The following ESRRB variants were observed in gnomAD, a reference collection of about 807,000 sequenced individuals.
ESRRB encodes steroid hormone receptor ERR2.
ESRRB carries 16 observed loss-of-function variants against 46.0 expected under a neutral mutation model. The observed-to-expected ratio is 0.35, with a 90% CI of 0.24 to 0.53. The LOEUF (loss-of-function observed/expected upper bound fraction) is 0.53. Among genes scored for constraint, ESRRB ranks in the 20% least tolerant of loss-of-function variants. The pLI is 0.93. For missense variants in ESRRB, 488 were observed against 607.4 expected (o/e 0.80, Z 2.07); for synonymous variants, 246 against 259.6 (o/e 0.95, Z 0.50).
intron 2 of ESRRB, among the ~76,000 whole-genome samples, chr14:76,456,532 A>G (rs534275627): frequency 6.6e-6 from 1 of 152,264 alleles, no homozygotes; most frequent in East Asian, 1.9e-4. Flanking sequence ...AGGAAGTAGG[A>G]TGAAAAGGAT....
chr14:76,411,274 C>A (rs529674669), intron 1 of ESRRB, among the ~76,000 whole-genome samples: 70 of 151,878 alleles, frequency 4.6e-4, no homozygotes, highest in African/African-American at 1.6e-3. Context: ...ATGGTGAAAC[C>A]CCATCTCTAC....
chr14:76,332,528 A>C, intron 1 of ESRRB, among the ~76,000 whole-genome samples: 1 of 66,526 alleles, frequency 1.5e-5, no homozygotes, highest in Non-Finnish European at 2.7e-5. Context: ...ATATATAAAT[A>C]TATACAATAT....
upstream of ESRRB, among the ~76,000 whole-genome samples, chr14:76,373,467 G>A (rs1467254773): frequency 6.6e-6 from 1 of 152,136 alleles, no homozygotes; most frequent in African/African-American, 2.4e-5. Context: ...GAGGCATGGA[G>A]CCTAACCCTG....
chr14:76,417,118 T>C (rs1315938788), intron 1 of ESRRB, among the ~76,000 whole-genome samples: 1 of 151,820 alleles, frequency 6.6e-6, no homozygotes, highest in Non-Finnish European at 1.5e-5. Flanking sequence ...AGCTGGCCAA[T>C]AGAGTGAGAC....
At chr14:76,332,493 A>AT (rs1884025274) in intron 1 of ESRRB, among the ~76,000 whole-genome samples, 1 of 108,198 alleles carries the variant, frequency 9.2e-6, no homozygotes, top group South Asian at 2.4e-4. Flanking sequence ...ATATAAATAT[A>AT]TATTTATATA....
Position 76,344,265 on chromosome 14 carries a change from A to AT in ESRRB, c.2+33354dup, listed in dbSNP as rs1373369922. Among the ~76,000 whole-genome samples the AT allele has an allele frequency of 3.3e-5, 5 of 152,262 alleles. No homozygotes were observed. In the East Asian group the frequency reaches 9.6e-4, roughly 29 times the overall value. ...TGTTATTAGTGTTGTGCTTTTATTTATTTTTAATTATTTTATTTTTCCACA... is the reference window on the plus strand; with the variant it reads ...TGTTATTAGTGTTGTGCTTTTATTTATTTTTTAATTATTTTATTTTTCCACA... On this transcript the variant is annotated intron_variant, in intron 1 of 6. Coordinates refer to the ESRRB transcript ENST00000512784.
intron 5 of ESRRB, among the ~76,000 whole-genome samples, chr14:76,489,629 G>A (rs1009735683): frequency 1.3e-5 from 2 of 152,204 alleles, no homozygotes; most frequent in African/African-American, 4.8e-5. Context: ...GTATAGATCA[G>A]TCTTGGGAAC....
chr14:76,444,221 C>T (rs991734865), intron 2 of ESRRB, among the ~76,000 whole-genome samples: 11 of 151,970 alleles, frequency 7.2e-5, no homozygotes, highest in African/African-American at 2.7e-4. Flanking sequence ...TTAGTAGAGA[C>T]GGGGTTTCGT....
chr14:76,489,479 A>ACACACACACACACC (rs1414646049), intron 5 of ESRRB, among the ~76,000 whole-genome samples: 2 of 150,016 alleles, frequency 1.3e-5, no homozygotes, highest in Non-Finnish European at 3.0e-5. Context: ...ACACACACAC[A>ACACACACACACACC]CCCTGATCCC....
In ESRRB at chr14:76,482,221, C is replaced by A; in HGVS notation, c.688+95C>A. Reference sequence around the variant, plus strand: ...AAACATCATCTTCCCACCACTGGGTCATGAGACAATGTGGATCTTGGGGAG... The same window carrying A: ...AAACATCATCTTCCCACCACTGGGTAATGAGACAATGTGGATCTTGGGGAG... On this transcript the variant is annotated intron_variant, in intron 4 of 6. Coordinates refer to ENST00000644823, the MANE Select transcript of ESRRB (RefSeq NM_001379180.1). The surrounding 1 kb of genome is among the most constrained non-coding windows in gnomAD (Gnocchi z 4.3). The A allele has an allele frequency of 1.1e-6, 1 of 936,808 alleles. No individual in the cohort carries two copies. The highest frequency in any genetic ancestry group is 1.3e-5 in the South Asian group (1 of 74,118). The allele number at this position is 936,808 out of a possible 1,614,324, so 58.0% of individuals were successfully genotyped here. A position where few individuals can be genotyped will look rare whatever the true frequency, so the allele number is the denominator to read the frequency against.
At chr14:76,417,831 A>AT (rs1318181265) in intron 1 of ESRRB, among the ~76,000 whole-genome samples, 2 of 152,124 alleles carry the variant, frequency 1.3e-5, no homozygotes, top group Non-Finnish European at 2.9e-5. Context: ...GTCCCTGGCC[A>AT]TAAGGGAGGA....
chr14:76,350,799 C>T (rs1447406401), intron 1 of ESRRB, among the ~76,000 whole-genome samples: 1 of 152,128 alleles, frequency 6.6e-6, no homozygotes, highest in Non-Finnish European at 1.5e-5. Context: ...CTGGACACAG[C>T]TTGATGGACT....
In ESRRB at chr14:76,341,372, C is replaced by T. The variant is rs983437777; in HGVS notation, c.2+30456C>T. Among the ~76,000 whole-genome samples the T allele has an allele frequency of 2.0e-5, 3 of 152,258 alleles. No homozygotes were observed. In the South Asian group the frequency reaches 6.2e-4, roughly 31 times the overall value. ...TTCAGAGATACCTCAACATTCACAC[C>T]TCACTGGCGGGGGCTTCAGCAAACA... On this transcript the variant is annotated intron_variant, in intron 1 of 6. Coordinates refer to the ESRRB transcript ENST00000512784.
At chr14:76,346,856 G>T (rs1463625435) in intron 1 of ESRRB, among the ~76,000 whole-genome samples, 1 of 152,220 alleles carries the variant, frequency 6.6e-6, no homozygotes, top group African/African-American at 2.4e-5. Context: ...GTAGTCTGTG[G>T]ATTATAGACA....
At chr14:76,384,032 T>C (rs1885120299) in intron 1 of ESRRB, among the ~76,000 whole-genome samples, 2 of 152,188 alleles carry the variant, frequency 1.3e-5, no homozygotes, top group African/African-American at 2.4e-5. Context: ...TAGTTTGGGA[T>C]CTTGGTGATG....
At chr14:76,468,410 AC>A (rs112956200) in intron 3 of ESRRB, among the ~76,000 whole-genome samples, 8 of 67,056 alleles carry the variant, frequency 1.2e-4, no homozygotes, top group African/African-American at 4.2e-4. Context: ...CAACACCACC[AC>A]CCCCCAAACA....
chr14:76,461,331 G>C (rs964573646), intron 2 of ESRRB, among the ~76,000 whole-genome samples: 3 of 152,200 alleles, frequency 2.0e-5, no homozygotes, highest in African/African-American at 7.2e-5. Context: ...GGACTCTGTA[G>C]ATCAGTCATT....
chr14:76,382,203 G>T (rs1279123876), intron 1 of ESRRB, among the ~76,000 whole-genome samples: 1 of 152,224 alleles, frequency 6.6e-6, no homozygotes, highest in Non-Finnish European at 1.5e-5. Flanking sequence ...TTAAGATGGG[G>T]TGACAGTGGA....
intron 1 of ESRRB, among the ~76,000 whole-genome samples, chr14:76,317,736 T>C (rs939348715): frequency 1.3e-5 from 2 of 152,168 alleles, no homozygotes; most frequent in African/African-American, 2.4e-5. Flanking sequence ...AACCTCAGGA[T>C]TGCTGGTAAT....
Sources: gnomAD v4.1 joint callset for allele counts (sites outside exome capture counted in the v4.1 genomes callset) on GRCh38, gnomAD v4.1.1 for gene constraint, Gnocchi (gnomAD v3.1) non-coding constraint, MANE v1.5 for transcripts, NCBI Gene and HGNC (gene_info 2026-07-23, HGNC 2026-07-21) for gene names.